The following ABCA9 variants were observed in gnomAD, a reference collection of about 807,000 sequenced individuals.
The protein encoded by ABCA9 is ATP-binding cassette sub-family A member 9.
Under a neutral mutation model 205.3 loss-of-function variants are expected in ABCA9, and 183 were observed. That is an observed-to-expected ratio of 0.89 (90% CI 0.79 to 1.01). The LOEUF is 1.01. ABCA9 is among the 50% of genes least tolerant of loss of function. The pLI, the probability that ABCA9 is intolerant of heterozygous loss-of-function variation, is 0.00. For missense variants in ABCA9, 1,805 were observed against 1,912.4 expected (o/e 0.94, Z 1.05); for synonymous variants, 651 against 683.3 (o/e 0.95, Z 0.74).
upstream of ABCA9, among the ~76,000 whole-genome samples, chr17:69,065,771 T>G (rs1415522742): frequency 6.6e-6 from 1 of 152,180 alleles, no homozygotes; most frequent in Non-Finnish European, 1.5e-5. Flanking sequence ...AATCTCGTCT[T>G]AAATTATAGT....
At chr17:68,991,777 C>T (rs1410219436) in intron 28 of ABCA9, among the ~76,000 whole-genome samples, 1 of 152,150 alleles carries the variant, frequency 6.6e-6, no homozygotes, top group African/African-American at 2.4e-5. Flanking sequence ...TCATCATCCC[C>T]CAACATAAGC....
At chr17:68,995,872 CA>C (rs2069602918) in intron 26 of ABCA9, 22 bp downstream of exon 26, 2 of 1,612,554 alleles carry the variant, frequency 1.2e-6, no homozygotes, top group East Asian at 4.5e-5. Context: ...TCATGACCCT[CA>C]GACAGAAGTG....
chr17:69,053,868 T>G (rs758940708), intron 1 of ABCA9, among the ~76,000 whole-genome samples: 3 of 151,940 alleles, frequency 2.0e-5, no homozygotes, highest in Non-Finnish European at 4.4e-5. Flanking sequence ...CTCAAACAAC[T>G]ACACCAAGAA....
At chr17:69,017,489 T>A (rs141814858) in intron 21 of ABCA9, among the ~76,000 whole-genome samples, 167 bp downstream of exon 21, 2 of 152,286 alleles carry the variant, frequency 1.3e-5, no homozygotes, top group East Asian at 3.9e-4. Context: ...CATATTGCCA[T>A]GCTGAAGGCT....
chr17:69,077,327 C>G, the ABCA9 span, among the ~76,000 whole-genome samples: 1 of 151,810 alleles, frequency 6.6e-6, no homozygotes, highest in Admixed American at 6.6e-5. Context: ...TTGGGGAGAT[C>G]TTCTTGGTAT....
At chr17:69,072,953 G>A in the ABCA9 span, among the ~76,000 whole-genome samples, 2 of 152,166 alleles carry the variant, frequency 1.3e-5, no homozygotes, top group Non-Finnish European at 2.9e-5. Context: ...TGCAATCCTA[G>A]TCTCTGATAA....
At chr17:69,035,008 C>A in intron 8 of ABCA9, 1 of 309,078 alleles carries the variant, frequency 3.2e-6, no homozygotes, top group Non-Finnish European at 5.9e-6. Context: ...TTCTCTGGGA[C>A]AACCAATTAG....
intron 26 of ABCA9, among the ~76,000 whole-genome samples, chr17:68,994,633 A>G (rs1160451440): frequency 6.6e-6 from 1 of 152,186 alleles, no homozygotes; most frequent in Non-Finnish European, 1.5e-5. Flanking sequence ...CTTTCCTAAA[A>G]AAGGTAGAAT....
At chr17:69,032,336 C>T in intron 9 of ABCA9, 60 bp from the exon 10 acceptor site, 2 of 1,486,552 alleles carry the variant, frequency 1.3e-6, no homozygotes, top group Non-Finnish European at 1.8e-6. Context: ...ATTCCATCAG[C>T]ATATCAGTGC....
chr17:69,010,392 C>A (rs1239282894), intron 23 of ABCA9, among the ~76,000 whole-genome samples: 2 of 151,854 alleles, frequency 1.3e-5, no homozygotes, highest in Non-Finnish European at 2.9e-5. Flanking sequence ...GAAGAAATGG[C>A]CAATGTAAAG....
Position 68,977,842 on chromosome 17 carries a change from T to A in ABCA9, c.4721-1652A>T, listed in dbSNP as rs576636672. Among the ~76,000 whole-genome samples, 16 of 152,352 alleles carry A rather than the reference T, an allele frequency of 1.1e-4. No individual in the cohort carries two copies. In the South Asian group the frequency reaches 3.3e-3, roughly 32 times the overall value. On this transcript the variant is annotated intron_variant, in intron 37 of 38. Transcript: ENST00000340001. ...CACATATTGGAGCAAGAAACTCTGA[T>A]AAATACTTTGTTTTTCCCCCTAAAT...
intron 23 of ABCA9, among the ~76,000 whole-genome samples, chr17:69,009,834 T>C (rs1037352340): frequency 6.6e-6 from 1 of 152,090 alleles, no homozygotes. Flanking sequence ...GCTATGAAGA[T>C]GAGAGAGAAA....
At chr17:69,003,214 G>T (rs1457424876) in intron 25 of ABCA9, among the ~76,000 whole-genome samples, 1 of 151,938 alleles carries the variant, frequency 6.6e-6, no homozygotes, top group Admixed American at 6.6e-5. Context: ...TCCTAGTCTC[G>T]ATGGTCTTTA....
At chr17:69,010,574 C>G (rs1474534698) in intron 23 of ABCA9, among the ~76,000 whole-genome samples, 1 of 152,024 alleles carries the variant, frequency 6.6e-6, no homozygotes, top group African/African-American at 2.4e-5. Flanking sequence ...GAGAAACTGC[C>G]GGGGTTGTTA....
Position 69,035,379 on chromosome 17 carries a change from C to G in ABCA9, c.995G>C (p.Gly332Ala). Residue 332 changes from glycine (G) to alanine (A), a missense_variant, in exon 8 of 39, where the codon GGC (glycine) becomes GCC (alanine). Gly to Ala is a moderately conservative substitution (Grantham distance 60). Transcript: ENST00000340001. ...GACAATAAGGAGAAACACAACCAAG[C>G]CCGTAAGGAAAGGTTTCTTTATCAA... is the stretch of plus-strand genomic sequence containing the variant. ...SVLIKKPFLTGLVVFLLIVFW... is the reference protein window; with the variant it reads ...SVLIKKPFLTALVVFLLIVFW... 6.2e-7 allele frequency: 1 copy of G among 1,606,114 alleles called. No individual in the cohort carries two copies.
At chr17:69,013,868 T>TGCCAGGAGCTGGCA (rs2070478286) in intron 22 of ABCA9, among the ~76,000 whole-genome samples, 11 of 152,164 alleles carry the variant, frequency 7.2e-5, no homozygotes, top group Middle Eastern at 6.8e-3. Flanking sequence ...GCTTACAAAA[T>TGCCAGGAGCTGGCA]TGTAACAGAG....
chr17:69,071,821 C>T, the ABCA9 span, among the ~76,000 whole-genome samples: 5 of 152,106 alleles, frequency 3.3e-5, no homozygotes, highest in African/African-American at 1.2e-4. Context: ...ATGTTCTAAC[C>T]TAATGCAAGG....
chr17:69,065,209 T>C (rs1383878957), upstream of ABCA9, among the ~76,000 whole-genome samples: 1 of 152,236 alleles, frequency 6.6e-6, no homozygotes, highest in Non-Finnish European at 1.5e-5. Context: ...GTGTCTCCTT[T>C]TTAAGTTCTG....
Position 68,983,856 on chromosome 17 carries a change from G to A in ABCA9, c.4500-7C>T, listed in dbSNP as rs1258494939. On this transcript the variant is annotated splice_region_variant and splice_polypyrimidine_tract_variant and intron_variant, in intron 35 of 38. Transcript: ENST00000340001. The stretch of plus-strand genomic sequence containing the variant: ...TTGGATGGAACCAATACATCTGAAG[G>A]TAACAGAAGGATAAAGTCAAGCAAG... The A allele has an allele frequency of 3.7e-6, 6 of 1,614,010 alleles. No homozygotes were observed. The highest frequency in any genetic ancestry group is 3.4e-6 in the Non-Finnish European group (4 of 1,180,016).
Sources: gnomAD v4.1 joint callset for allele counts (sites outside exome capture counted in the v4.1 genomes callset) on GRCh38, gnomAD v4.1.1 for gene constraint, MANE v1.5 for transcripts, NCBI Gene and HGNC (gene_info 2026-07-23, HGNC 2026-07-21) for gene names.